PRELID2: variants seen among roughly 807,000 people sequenced by gnomAD.
PRELID2 encodes PRELI domain containing 2, also known as PRELI domain-containing protein 2.
PRELID2 carries 25 observed loss-of-function variants against 28.4 expected under a neutral mutation model. The ratio of observed to expected loss-of-function variants is 0.88; its 90% CI spans 0.64 to 1.23. PRELID2 has a LOEUF of 1.23. Ranked by LOEUF, PRELID2 falls within the 50% of genes most tolerant of loss-of-function variation. The pLI, the probability that PRELID2 is intolerant of heterozygous loss-of-function variation, is 0.00. For missense variants in PRELID2, 201 were observed against 214.4 expected, an observed-to-expected ratio of 0.94 and a Z score of 0.39; for synonymous variants, 76 against 71.6, an observed-to-expected ratio of 1.06 and a Z score of -0.31.
At chr5:145,796,415 G>A in intron 5 of PRELID2, 27 bp downstream of exon 5, 1 of 1,476,444 alleles carries the variant, frequency 6.8e-7, no homozygotes, top group East Asian at 2.3e-5. Flanking sequence ...TAAAATTAAT[G>A]TTGGTTCAAA....
intron 1 of PRELID2, among the ~76,000 whole-genome samples, chr5:145,517,857 T>A (rs901266563): frequency 1.6e-4 from 25 of 151,962 alleles, no homozygotes; most frequent in African/African-American, 5.8e-4. Context: ...TGGATGAAGG[T>A]GGAAACCATC....
At chr5:145,512,456 C>T (rs953383797) in intron 1 of PRELID2, among the ~76,000 whole-genome samples, 5 of 152,218 alleles carry the variant, frequency 3.3e-5, no homozygotes, top group Admixed American at 1.3e-4. Context: ...TTCTTCCTCT[C>T]TGGGCAGGGC....
the PRELID2 span, among the ~76,000 whole-genome samples, chr5:145,284,749 T>C: frequency 8.5e-5 from 13 of 152,262 alleles, no homozygotes; most frequent in Non-Finnish European, 1.6e-4. Flanking sequence ...CAAGTCAGTA[T>C]GAAAGTGGCT....
chr5:145,737,517 G>A (rs777275612), intron 1 of PRELID2, among the ~76,000 whole-genome samples: 1 of 152,146 alleles, frequency 6.6e-6, no homozygotes, highest in Non-Finnish European at 1.5e-5. Flanking sequence ...CAACACTGCT[G>A]TAAGTTCCTT....
chr5:145,647,987 A>T (rs574161369), intron 1 of PRELID2, among the ~76,000 whole-genome samples: 31 of 152,350 alleles, frequency 2.0e-4, no homozygotes, highest in Middle Eastern at 6.8e-3. Context: ...CTATTTGGCC[A>T]TCTTGCCAGC....
the PRELID2 span, among the ~76,000 whole-genome samples, chr5:145,328,726 G>C: frequency 6.6e-6 from 1 of 151,534 alleles, no homozygotes; most frequent in Non-Finnish European, 1.5e-5. Flanking sequence ...TCTGTAGGTT[G>C]CCTGTTCACT....
chr5:145,728,878 A>G lies in PRELID2; in HGVS notation n.70+36053T>C, dbSNP rs552380960. 2.1e-5 allele frequency: 19 copies of G among 921,620 alleles called. No individual in the cohort carries two copies. The African/African-American group carries it at 2.4e-4, about 12-fold the overall frequency. 57.1% of individuals were successfully genotyped at this position (921,620 alleles called of 1,614,324 possible). ...ATGTCTTTGACTGCTCCTCCAAGTG[A>G]CATCTGCAGAGGTCCAAAGCTTTCA... On this transcript the variant is annotated intron_variant and non_coding_transcript_variant, in intron 1 of 2. Coordinates refer to the PRELID2 transcript ENST00000510259.
At chr5:145,664,234 C>T (rs1055567358) in intron 1 of PRELID2, among the ~76,000 whole-genome samples, 5 of 152,114 alleles carry the variant, frequency 3.3e-5, no homozygotes. Context: ...CAGATATTGA[C>T]AGGCTTTTGA....
the PRELID2 span, among the ~76,000 whole-genome samples, chr5:145,297,440 A>G: frequency 6.6e-6 from 1 of 152,110 alleles, no homozygotes; most frequent in African/African-American, 2.4e-5. Context: ...AAAACTCTCA[A>G]TAAATTAGGT....
chr5:145,805,504 T>A (rs779062869), intron 4 of PRELID2, among the ~76,000 whole-genome samples: 2 of 152,320 alleles, frequency 1.3e-5, no homozygotes, highest in South Asian at 2.1e-4. Flanking sequence ...CGATTTTTCA[T>A]GAGCCAGCCC....
intron 4 of PRELID2, among the ~76,000 whole-genome samples, chr5:145,803,564 A>G (rs1245174525): frequency 6.6e-6 from 1 of 152,130 alleles, no homozygotes; most frequent in Non-Finnish European, 1.5e-5. Context: ...CTTCTCTAAA[A>G]TGGGGTTAAT....
intron 1 of PRELID2, among the ~76,000 whole-genome samples, chr5:145,750,197 G>C (rs1474621028): frequency 6.6e-6 from 1 of 151,886 alleles, no homozygotes; most frequent in Non-Finnish European, 1.5e-5. Flanking sequence ...AAACATTTAA[G>C]AATCTATACC....
chr5:145,254,938 C>T, the PRELID2 span, among the ~76,000 whole-genome samples: 2 of 151,236 alleles, frequency 1.3e-5, no homozygotes, highest in Non-Finnish European at 2.9e-5. Context: ...AAAATGACTC[C>T]ACCCACAATT....
chr5:145,504,190 C>T (rs1425906978), intron 1 of PRELID2, among the ~76,000 whole-genome samples: 1 of 152,138 alleles, frequency 6.6e-6, no homozygotes, highest in Non-Finnish European at 1.5e-5. Flanking sequence ...CACAAGCTAG[C>T]AGGGCAGTGC....
At chr5:145,682,590 C>T (rs994049716) in intron 1 of PRELID2, among the ~76,000 whole-genome samples, 9 of 152,162 alleles carry the variant, frequency 5.9e-5, no homozygotes, top group African/African-American at 2.2e-4. Flanking sequence ...CTCACAGCTT[C>T]CTGCCTTGAA....
At chr5:145,446,081 AG>A in the PRELID2 span, among the ~76,000 whole-genome samples, 1 of 152,098 alleles carries the variant, frequency 6.6e-6, no homozygotes, top group East Asian at 1.9e-4. Flanking sequence ...GGATGACTAT[AG>A]TTAACAATAA....
chr5:145,525,894 C>T (rs758430193), intron 1 of PRELID2, among the ~76,000 whole-genome samples: 1 of 152,188 alleles, frequency 6.6e-6, no homozygotes, highest in African/African-American at 2.4e-5. Flanking sequence ...AAAAAGCAGA[C>T]TCTGCAGCAA....
Position 145,737,640 on chromosome 5 carries a change from G to A in PRELID2, n.70+27291C>T, listed in dbSNP as rs1207304102. Among the ~76,000 whole-genome samples, 4 of 152,286 alleles carry A rather than the reference G, an allele frequency of 2.6e-5. No individual in the cohort carries two copies. In the East Asian group the frequency reaches 7.7e-4, roughly 29 times the overall value. ...GATGGTCTCTCCAGGCAAAAGACCA[G>A]GAAAGAAGCAGTCTTGCAAGGCAGA... On this transcript the variant is annotated intron_variant and non_coding_transcript_variant, in intron 1 of 2. Coordinates refer to the PRELID2 transcript ENST00000510259.
intron 5 of PRELID2, among the ~76,000 whole-genome samples, chr5:145,784,982 A>T (rs1021206297): frequency 6.6e-6 from 1 of 152,170 alleles, no homozygotes; most frequent in African/African-American, 2.4e-5. Flanking sequence ...AATGATAAAA[A>T]TATATCATTT....
Sources: gnomAD v4.1 joint callset for allele counts (sites outside exome capture counted in the v4.1 genomes callset) on GRCh38, gnomAD v4.1.1 for gene constraint, MANE v1.5 for transcripts, NCBI Gene and HGNC (gene_info 2026-07-23, HGNC 2026-07-21) for gene names.